PTPRQ: variants seen among roughly 807,000 people sequenced by gnomAD.
The protein encoded by PTPRQ is protein tyrosine phosphatase receptor type Q.
Under a neutral mutation model 246.0 loss-of-function variants are expected in PTPRQ, and 199 were observed. The ratio of observed to expected loss-of-function variants is 0.81; its 90% CI spans 0.72 to 0.91. PTPRQ has a LOEUF of 0.91. PTPRQ is among the 40% of genes least tolerant of loss of function. PTPRQ has a pLI of 0.00. For missense variants in PTPRQ, 2,624 were observed against 2,528.4 expected, an observed-to-expected ratio of 1.04 and a Z score of -0.81; for synonymous variants, 869 against 853.2, an observed-to-expected ratio of 1.02 and a Z score of -0.32.
At position 80,613,594 on chromosome 12, in the gene PTPRQ, C is replaced by G. The variant is rs927756665; in HGVS notation, c.4921C>G (p.Pro1641Ala). The change falls in exon 29 of 45, where the codon CCA becomes GCA. Residue 1641 changes from proline (P) to alanine (A), a missense_variant and splice_region_variant. Pro to Ala is a conservative substitution (Grantham distance 27). Transcript: ENST00000644991. ...EMIVTTLESA[P>A]KDPPNNMTFQ... ...AATTGTTAAATATTTTATTTTAGCC[C>G]CAAAGGACCCACCTAACAACATGAC... The G allele has an allele frequency of 2.0e-6, 3 of 1,520,624 alleles. No homozygotes were observed. The highest frequency in any genetic ancestry group is 2.8e-5 in the African/African-American group (2 of 70,766). 94.2% of individuals were successfully genotyped at this position (1,520,624 alleles called of 1,614,324 possible).
Position 80,484,550 on chromosome 12 carries a change from T to C in PTPRQ, c.1304T>C (p.Leu435Pro). Residue 435 changes from leucine to proline, a missense_variant, in exon 9 of 45, where the codon CTA becomes CCA. Physicochemically the swap from Leu to Pro is moderately conservative, Grantham distance 98. Coordinates refer to ENST00000644991, the MANE Select transcript of PTPRQ (RefSeq NM_001145026.2). Reference protein sequence around the residue: ...GIINQYRVKVLVPETGIILEN... With the variant: ...GIINQYRVKVPVPETGIILEN... ...ATTAACCAATACCGAGTGAAAGTGC[T>C]AGTTCCAGAGACAGGAATAATTTTG... is the stretch of plus-strand genomic sequence containing the variant. 1 of 1,551,064 alleles carries C rather than the reference T, an allele frequency of 6.4e-7. No individual in the cohort carries two copies. The highest frequency in any genetic ancestry group is 8.7e-7 in the Non-Finnish European group (1 of 1,146,786).
chr12:80,467,075 T>A (rs1380661577), intron 6 of PTPRQ, among the ~76,000 whole-genome samples: 3 of 152,036 alleles, frequency 2.0e-5, no homozygotes, highest in African/African-American at 7.2e-5. Flanking sequence ...CAGGCAACCT[T>A]CAGAATGGGA....
intron 34 of PTPRQ, among the ~76,000 whole-genome samples, chr12:80,633,135 G>A (rs1159840862): frequency 1.3e-5 from 2 of 152,122 alleles, no homozygotes; most frequent in South Asian, 2.1e-4. Context: ...GCAAAAAAAA[G>A]GAGGTTTGGA....
At chr12:80,567,597 T>A (rs888407079) in intron 25 of PTPRQ, among the ~76,000 whole-genome samples, 1 of 152,250 alleles carries the variant, frequency 6.6e-6, no homozygotes, top group Admixed American at 6.5e-5. Flanking sequence ...CTAGGTGGCC[T>A]GTTTCAACAT....
At chr12:80,620,407 T>A in intron 32 of PTPRQ, 31 bp downstream of exon 32, 1 of 1,544,720 alleles carries the variant, frequency 6.5e-7, no homozygotes, top group Non-Finnish European at 8.7e-7. Context: ...CCATGCATTC[T>A]GTTAGCAAGC....
At chr12:80,560,337 G>C (rs1896787548) in intron 25 of PTPRQ, among the ~76,000 whole-genome samples, 1 of 152,238 alleles carries the variant, frequency 6.6e-6, no homozygotes, top group East Asian at 1.9e-4. Flanking sequence ...TGTATCAAAT[G>C]ATCTGTTTCT....
chr12:80,670,515 C>T, intron 42 of PTPRQ, 23 bp downstream of exon 42: 1 of 1,467,856 alleles, frequency 6.8e-7, no homozygotes, highest in South Asian at 1.4e-5. Context: ...TCAGAAATGG[C>T]CTTTGAACCC....
intron 17 of PTPRQ, among the ~76,000 whole-genome samples, chr12:80,515,742 CT>C (rs34385655): frequency 0.013 from 1,843 of 137,816 alleles, 34 homozygotes; most frequent in African/African-American, 0.045. Context: ...CTGAATATTT[CT>C]TTTTTTTTTT....
At chr12:80,562,074 T>C (rs1290218904) in intron 25 of PTPRQ, among the ~76,000 whole-genome samples, 1 of 152,220 alleles carries the variant, frequency 6.6e-6, no homozygotes, top group African/African-American at 2.4e-5. Flanking sequence ...GTGGATTATG[T>C]TGATTGATCT....
rs530286317 is a variant in PTPRQ, at chr12:80,575,853, A to G, written c.4286-12276A>G. ...AAACCCCATCTCAAAAAAAAAAAAA[A>G]AAAAGAAAAAAGAAAAAGAAAAAGA... On this transcript the variant is annotated intron_variant, in intron 25 of 44. Coordinates refer to ENST00000644991, the MANE Select transcript of PTPRQ (RefSeq NM_001145026.2). 2.4e-3 allele frequency among the ~76,000 whole-genome samples: 363 copies of G among 150,988 alleles called. 1 individual carries two copies. Among genetic ancestry groups the G allele is most frequent in the African/African-American group, 8.1e-3 (332 of 40,974 alleles).
chr12:80,587,492 C>G (rs561449244), intron 25 of PTPRQ, among the ~76,000 whole-genome samples: 1 of 152,074 alleles, frequency 6.6e-6, no homozygotes, highest in South Asian at 2.1e-4. Flanking sequence ...ATCCTGAATC[C>G]CTAACACCAG....
At chr12:80,618,001 A>G (rs529768480) in intron 30 of PTPRQ, among the ~76,000 whole-genome samples, 5 of 150,706 alleles carry the variant, frequency 3.3e-5, no homozygotes, top group African/African-American at 1.2e-4. Flanking sequence ...TGTGGCACTT[A>G]CTCCTTCCCT....
intron 33 of PTPRQ, among the ~76,000 whole-genome samples, chr12:80,623,099 C>T (rs1225340594): frequency 1.3e-5 from 2 of 152,054 alleles, no homozygotes; most frequent in Non-Finnish European, 2.9e-5. Flanking sequence ...TCATGTGTTG[C>T]CCAGATCCTG....
intron 24 of PTPRQ, among the ~76,000 whole-genome samples, chr12:80,548,219 T>A (rs1896365791): frequency 6.6e-6 from 1 of 152,058 alleles, no homozygotes; most frequent in South Asian, 2.1e-4. Flanking sequence ...ATTTTCACCT[T>A]TAAGTGTTTT....
At chr12:80,490,314 C>G (rs1260605843) in intron 9 of PTPRQ, among the ~76,000 whole-genome samples, 1 of 151,952 alleles carries the variant, frequency 6.6e-6, no homozygotes, top group African/African-American at 2.4e-5. Flanking sequence ...ATTCAGCAGA[C>G]CTCCAGTGAC....
At chr12:80,611,558 A>G (rs1310463204) in intron 28 of PTPRQ, among the ~76,000 whole-genome samples, 2 of 150,248 alleles carry the variant, frequency 1.3e-5, no homozygotes, top group East Asian at 1.9e-4. Flanking sequence ...TTACTTCTCA[A>G]TCCCTCCTAC....
intron 14 of PTPRQ, among the ~76,000 whole-genome samples, chr12:80,505,191 C>G (rs941732291): frequency 1.3e-5 from 2 of 151,874 alleles, no homozygotes; most frequent in African/African-American, 4.8e-5. Flanking sequence ...CAATCTATGG[C>G]AAGGCAAAAC....
At chr12:80,632,962 C>A (rs2121171343) in intron 34 of PTPRQ, among the ~76,000 whole-genome samples, 1 of 152,292 alleles carries the variant, frequency 6.6e-6, no homozygotes, top group African/African-American at 2.4e-5. Flanking sequence ...GCTGGGCTCT[C>A]ACAATGAATA....
At chr12:80,646,451 A>G (rs985132495) in intron 35 of PTPRQ, among the ~76,000 whole-genome samples, 4 of 151,948 alleles carry the variant, frequency 2.6e-5, no homozygotes, top group African/African-American at 7.3e-5. Flanking sequence ...TTAGGCGGAC[A>G]TCATGAAATG....
Sources: gnomAD v4.1 joint callset for allele counts (sites outside exome capture counted in the v4.1 genomes callset) on GRCh38, gnomAD v4.1.1 for gene constraint, MANE v1.5 for transcripts, NCBI Gene and HGNC (gene_info 2026-07-23, HGNC 2026-07-21) for gene names.